ZNF354C: variants seen among roughly 807,000 people sequenced by gnomAD.
ZNF354C encodes zinc finger protein 354C.
In ZNF354C, 7 loss-of-function variants were observed where a neutral mutation model predicts 12.4. That is an observed-to-expected ratio of 0.56 (90% confidence interval 0.32 to 1.06). ZNF354C has a LOEUF of 1.06. Ranked by LOEUF, ZNF354C falls within the 50% of genes least tolerant of loss-of-function variation. The pLI, the probability that ZNF354C is intolerant of heterozygous loss-of-function variation, is 0.04. For missense variants in ZNF354C, 609 were observed against 658.0 expected (o/e 0.93, Z 0.81); for synonymous variants, 202 against 224.5 (o/e 0.90, Z 0.90).
At position 179,079,346 on chromosome 5, in the gene ZNF354C, G is replaced by T; in HGVS notation, c.914G>T (p.Cys305Phe). Residue 305 changes from cysteine to phenylalanine, a missense_variant, in exon 5 of 5, where the codon TGT becomes TTT. Transcript: ENST00000315475. The surrounding 1 kb of genome is among the most constrained non-coding windows in gnomAD (Gnocchi z 4.2). ...GAGAAACCGTATCGATGTAGGGAAT[G>T]TGGTAAAGCCTTTAGCCAGTGTTCA... Reference protein sequence around the residue: ...TGEKPYRCRECGKAFSQCSTL... With the variant: ...TGEKPYRCREFGKAFSQCSTL... 1.2e-6 allele frequency: 2 copies of T among 1,614,170 alleles called. No individual in the cohort carries two copies. The highest frequency in any genetic ancestry group is 1.7e-6 in the Non-Finnish European group (2 of 1,180,034).
At position 179,079,982 on chromosome 5, in the gene ZNF354C, T is replaced by C; in HGVS notation, c.1550T>C (p.Val517Ala). The C allele has an allele frequency of 6.2e-7, 1 of 1,614,008 alleles. No homozygotes were observed. Among genetic ancestry groups the C allele is most frequent in the Non-Finnish European group, 8.5e-7 (1 of 1,179,968 alleles). Residue 517 changes from valine (V) to alanine (A), a missense_variant, in exon 5 of 5, where the codon GTT becomes GCT. Transcript: ENST00000315475. The surrounding 1 kb of genome is among the most constrained non-coding windows in gnomAD (Gnocchi z 4.2). ...TCAAACCTTTGTAGACACAAAAAAG[T>C]TCACACGAAAGAGAAACTCTATAAG... ...YRSNLCRHKK[V>A]HTKEKLYKWK... is the part of the protein sequence containing the mutation.
chr5:179,082,423 GAAAT>G lies in ZNF354C; in HGVS notation c.*2332_*2335del, dbSNP rs1427097176. On this transcript the variant is annotated 3_prime_UTR_variant, in exon 5 of 5. Transcript: ENST00000315475. Reference sequence around the variant, plus strand: ...GGAACAAGTTGAATTACACAGTATGGAAATAAATAGACAAGTCCAGAGTTGGTAT... The same window carrying G: ...GGAACAAGTTGAATTACACAGTATGGAAATAGACAAGTCCAGAGTTGGTAT... 1.8e-5 allele frequency: 8 copies of G among 446,178 alleles called. No homozygotes were observed. Among genetic ancestry groups the G allele is most frequent in the Non-Finnish European group, 2.8e-5 (7 of 250,776 alleles). The allele number at this position is 446,178 out of a possible 1,614,324, so 27.6% of individuals were successfully genotyped here.
intron 2 of ZNF354C, among the ~76,000 whole-genome samples, chr5:179,074,830 A>G (rs146071615): frequency 4.6e-5 from 7 of 152,332 alleles, no homozygotes; most frequent in African/African-American, 1.7e-4. Flanking sequence ...TGTCCTATAT[A>G]CTTGCAAGAT....
At chr5:179,068,935 G>A (rs569355388) in intron 2 of ZNF354C, among the ~76,000 whole-genome samples, 9 of 152,308 alleles carry the variant, frequency 5.9e-5, no homozygotes, top group Admixed American at 6.5e-5. Context: ...GCGCATGAGC[G>A]TGTCCGTGTC....
At chr5:179,075,246 G>A (rs1178845805) in intron 2 of ZNF354C, among the ~76,000 whole-genome samples, 1 of 149,610 alleles carries the variant, frequency 6.7e-6, no homozygotes, top group Non-Finnish European at 1.5e-5. Context: ...GCGACAGAGT[G>A]AGACTCTGTC....
rs1354295628 is a variant in ZNF354C at position 179,080,738 on chromosome 5, A to AAAG, written c.*642_*644dup. ...GAATTTAGTTCTTAAAATCTTGCCCAAAGGTAGACTCTCTTTCTTTTACTT... is the reference window on the plus strand; with the variant it reads ...GAATTTAGTTCTTAAAATCTTGCCCAAAGAAGGTAGACTCTCTTTCTTTTACTT... On this transcript the variant is annotated 3_prime_UTR_variant, in exon 5 of 5. Coordinates refer to ENST00000315475, the MANE Select transcript of ZNF354C (RefSeq NM_014594.3). 1 of 91,758 alleles carries AAAG rather than the reference A, an allele frequency of 1.1e-5. No homozygotes were observed. The highest frequency in any genetic ancestry group is 2.2e-5 in the Non-Finnish European group (1 of 45,868). 5.7% of individuals were successfully genotyped at this position (91,758 alleles called of 1,614,324 possible).
rs570351055 is a variant in ZNF354C at position 179,064,095 on chromosome 5, C to T, written c.27+2000C>T. Among the ~76,000 whole-genome samples the T allele has an allele frequency of 2.0e-4, 31 of 152,354 alleles. 1 individual carries two copies. In the South Asian group the frequency reaches 6.2e-3, roughly 31 times the overall value. On this transcript the variant is annotated intron_variant, in intron 2 of 4. Transcript: ENST00000315475. Reference sequence around the variant, plus strand: ...GTTGTTCGCTATCTGAGCTCGCCTACATCCACAGCAGGAGAGACTTACTTC... The same window carrying T: ...GTTGTTCGCTATCTGAGCTCGCCTATATCCACAGCAGGAGAGACTTACTTC...
chr5:179,079,717 G>A lies in ZNF354C; in HGVS notation c.1285G>A (p.Glu429Lys). Reference sequence around the variant, plus strand: ...CTTCAACCAGTATTCATCCTTTAATGAACATCGGAAAATTCATACTGGGGA... The same window carrying A: ...CTTCAACCAGTATTCATCCTTTAATAAACATCGGAAAATTCATACTGGGGA... ...KAFNQYSSFN[E>K]HRKIHTGEKL... Residue 429 changes from glutamate (E) to lysine (K), a missense_variant, in exon 5 of 5, where the codon GAA becomes AAA. By Grantham distance (56) the Glu-to-Lys change is moderately conservative (BLOSUM62 1). Transcript: ENST00000315475. The surrounding 1 kb of genome is among the most constrained non-coding windows in gnomAD (Gnocchi z 4.2). 1 of 1,614,108 alleles carries A rather than the reference G, an allele frequency of 6.2e-7. No individual in the cohort carries two copies. The highest frequency in any genetic ancestry group is 8.5e-7 in the Non-Finnish European group (1 of 1,180,022).
intron 2 of ZNF354C, among the ~76,000 whole-genome samples, chr5:179,063,683 T>C (rs1402626506): frequency 1.3e-5 from 2 of 152,230 alleles, no homozygotes; most frequent in Non-Finnish European, 2.9e-5. Flanking sequence ...ACAAGAGGAC[T>C]GTTAATATCT....
chr5:179,061,259 C>T (rs1330170784), intron 1 of ZNF354C, among the ~76,000 whole-genome samples: 1 of 152,174 alleles, frequency 6.6e-6, no homozygotes, highest in Non-Finnish European at 1.5e-5. Flanking sequence ...GCCCGGCTGC[C>T]CCAGGCAGCC....
At chr5:179,069,625 G>A (rs765807442) in intron 2 of ZNF354C, among the ~76,000 whole-genome samples, 6 of 150,836 alleles carry the variant, frequency 4.0e-5, no homozygotes, top group Non-Finnish European at 8.8e-5. Flanking sequence ...CAGCACTTTG[G>A]GAGGCCGAGG....
At chr5:179,069,782 T>C (rs182598882) in intron 2 of ZNF354C, among the ~76,000 whole-genome samples, 3,356 of 149,090 alleles carry the variant, frequency 0.023, 56 homozygotes, top group African/African-American at 0.044. Context: ...AGGAGAATGG[T>C]GTGAACCCGG....
Position 179,082,311 on chromosome 5 carries a change from T to G in ZNF354C, c.*2214T>G. 9.7e-6 allele frequency: 2 copies of G among 206,136 alleles called. No homozygotes were observed. 12.8% of individuals were successfully genotyped at this position (206,136 alleles called of 1,614,324 possible). On this transcript the variant is annotated 3_prime_UTR_variant, in exon 5 of 5. Transcript: ENST00000315475. ...GGTATGAAGCATGTGTGATCATCCT[T>G]GATGTACTGCCGAAAATGTTTACCT...
At chr5:179,066,782 A>T (rs1166175320) in intron 2 of ZNF354C, among the ~76,000 whole-genome samples, 1 of 151,964 alleles carries the variant, frequency 6.6e-6, no homozygotes, top group African/African-American at 2.4e-5. Flanking sequence ...TTTCCCTTTG[A>T]CTTTGGTGTT....
At chr5:179,071,553 C>T (rs1762052546) in intron 2 of ZNF354C, among the ~76,000 whole-genome samples, 1 of 152,116 alleles carries the variant, frequency 6.6e-6, no homozygotes, top group South Asian at 2.1e-4. Context: ...AGATATTAGA[C>T]ACCTGTGTAT....
In ZNF354C at chr5:179,083,155, A is replaced by G; in HGVS notation, c.*3058A>G. On this transcript the variant is annotated 3_prime_UTR_variant, in exon 5 of 5. Transcript: ENST00000315475. ...AAAGTGGTCTCTGCTAGATTAAGAC[A>G]AGAGACATAACCAAATGGAAAGTGT... is the stretch of plus-strand genomic sequence containing the variant. 2.2e-6 allele frequency: 1 copy of G among 462,344 alleles called. No homozygotes were observed. The highest frequency in any genetic ancestry group is 4.0e-6 in the Non-Finnish European group (1 of 252,670). 28.6% of individuals were successfully genotyped at this position (462,344 alleles called of 1,614,324 possible). A position where few individuals can be genotyped will look rare whatever the true frequency, so the allele number is the denominator to read the frequency against.
In ZNF354C at chr5:179,063,744, G is replaced by A. The variant is rs76869635; in HGVS notation, c.27+1649G>A. 2.0e-5 allele frequency among the ~76,000 whole-genome samples: 3 copies of A among 152,320 alleles called. No individual in the cohort carries two copies. The East Asian group carries it at 5.8e-4, about 29-fold the overall frequency. On this transcript the variant is annotated intron_variant, in intron 2 of 4. Coordinates refer to ENST00000315475, the MANE Select transcript of ZNF354C (RefSeq NM_014594.3). ...ACAGAGAAGCAAGTAACTTGATCAA[G>A]GTCACACAGCTGGCTTTTGATCCCA...
At chr5:179,071,593 A>G (rs1762053143) in intron 2 of ZNF354C, among the ~76,000 whole-genome samples, 3 of 152,136 alleles carry the variant, frequency 2.0e-5, no homozygotes, top group Non-Finnish European at 2.9e-5. Flanking sequence ...CACCAGATAA[A>G]TTTTCTGTTT....
rs755100315 is a variant in ZNF354C at position 179,078,879 on chromosome 5, G to T, written c.447G>T (p.Ser149=). The change falls in exon 5 of 5, where the codon TCG becomes TCT. Residue 149 remains serine (S), a synonymous_variant. Transcript: ENST00000315475. ...AACCTCTTAGACAAATGATAGATTCGCATGAGAAAACCATCAGTGAAGATG... is the reference window on the plus strand; with the variant it reads ...AACCTCTTAGACAAATGATAGATTCTCATGAGAAAACCATCAGTGAAGATG... The part of the protein sequence containing the change: ...EKKPLRQMID[S]HEKTISEDGN... The T allele has an allele frequency of 6.2e-7, 1 of 1,614,030 alleles. No homozygotes were observed. Among genetic ancestry groups the T allele is most frequent in the Non-Finnish European group, 8.5e-7 (1 of 1,179,988 alleles).
Sources: gnomAD v4.1 joint callset for allele counts (sites outside exome capture counted in the v4.1 genomes callset) on GRCh38, gnomAD v4.1.1 for gene constraint, Gnocchi (gnomAD v3.1) non-coding constraint, MANE v1.5 for transcripts, NCBI Gene and HGNC (gene_info 2026-07-23, HGNC 2026-07-21) for gene names.